Variants in SPMIP2 observed in about 807,000 individuals in gnomAD.
The protein encoded by SPMIP2 is sperm microtubule inner protein 2.
the SPMIP2 span, chr4:158,906,142 A>G: frequency 9.2e-5 from 14 of 151,886 alleles, no homozygotes; most frequent in Admixed American, 6.6e-4. Flanking sequence ...ATGTTTTCCT[A>G]TTTCCTTTTG....
the SPMIP2 span, among the ~76,000 whole-genome samples, chr4:159,061,644 C>A: frequency 1.3e-5 from 2 of 151,892 alleles, no homozygotes; most frequent in Non-Finnish European, 2.9e-5. Flanking sequence ...CCCATCTGTA[C>A]TAAAAATACA....
the SPMIP2 span, chr4:159,026,117 C>T: frequency 7.1e-6 from 2 of 280,212 alleles, no homozygotes. Flanking sequence ...CCCTCCTATG[C>T]CCACCATGAC....
chr4:159,068,700 A>T, the SPMIP2 span, among the ~76,000 whole-genome samples: 5 of 151,340 alleles, frequency 3.3e-5, no homozygotes, highest in Non-Finnish European at 2.9e-5. Flanking sequence ...ATAAAAAAAT[A>T]AAAAAAAGAA....
chr4:159,016,176 C>T, the SPMIP2 span, among the ~76,000 whole-genome samples: 5 of 152,164 alleles, frequency 3.3e-5, no homozygotes, highest in African/African-American at 1.2e-4. Context: ...TTAAATTTTC[C>T]TGTTCTCTGT....
the SPMIP2 span, among the ~76,000 whole-genome samples, chr4:159,036,583 C>A: frequency 3.9e-5 from 6 of 152,228 alleles, no homozygotes; most frequent in Admixed American, 3.3e-4. Flanking sequence ...CCTTGCCCCC[C>A]ACTTTCAGAG....
the SPMIP2 span, among the ~76,000 whole-genome samples, chr4:158,998,863 G>A: frequency 1.5e-4 from 23 of 152,164 alleles, no homozygotes; most frequent in Non-Finnish European, 2.9e-4. Context: ...ATAACAATAT[G>A]GCTTGTAAAA....
chr4:159,043,058 A>G, the SPMIP2 span, among the ~76,000 whole-genome samples: 1 of 152,108 alleles, frequency 6.6e-6, no homozygotes, highest in African/African-American at 2.4e-5. Flanking sequence ...GCTCCTCGTG[A>G]ATTCTTTCTA....
the SPMIP2 span, among the ~76,000 whole-genome samples, chr4:159,062,675 T>C: frequency 1.3e-5 from 1 of 75,104 alleles, no homozygotes; most frequent in East Asian, 6.4e-4. Context: ...TTCAGGCTGA[T>C]TGCATTTTTT....
chr4:158,966,294 C>G, the SPMIP2 span, among the ~76,000 whole-genome samples: 73 of 152,252 alleles, frequency 4.8e-4, no homozygotes, highest in Non-Finnish European at 8.4e-4. Flanking sequence ...AGCTGAGATA[C>G]CCTGGGAGTG....
At chr4:158,904,408 C>T in the SPMIP2 span, 25 of 1,391,988 alleles carry the variant, frequency 1.8e-5, 1 homozygote, top group South Asian at 2.8e-4. Flanking sequence ...AGAAATAATA[C>T]TTTCTCATAA....
chr4:158,900,533 A>T, the SPMIP2 span, among the ~76,000 whole-genome samples: 1 of 152,170 alleles, frequency 6.6e-6, no homozygotes, highest in South Asian at 2.1e-4. Flanking sequence ...TATTGGTTGC[A>T]TGTAGATTTA....
At chr4:159,055,075 G>C in the SPMIP2 span, among the ~76,000 whole-genome samples, 2 of 152,184 alleles carry the variant, frequency 1.3e-5, no homozygotes, top group African/African-American at 4.8e-5. Flanking sequence ...AGAAATATTG[G>C]AGGCTGGTGT....
chr4:158,991,520 T>A, the SPMIP2 span, among the ~76,000 whole-genome samples: 1 of 152,156 alleles, frequency 6.6e-6, no homozygotes, highest in Non-Finnish European at 1.5e-5. Flanking sequence ...GCTGAAAATG[T>A]GAGGGTTTTT....
At chr4:159,020,638 C>G in the SPMIP2 span, among the ~76,000 whole-genome samples, 1 of 152,212 alleles carries the variant, frequency 6.6e-6, no homozygotes. Context: ...TCTGCTTTAA[C>G]AGATGGTCCT....
the SPMIP2 span, among the ~76,000 whole-genome samples, chr4:159,052,496 G>A: frequency 3.9e-5 from 6 of 152,116 alleles, no homozygotes; most frequent in South Asian, 2.1e-4. Context: ...GGGTAAAGCC[G>A]ACTGAAACAG....
At chr4:158,975,686 A>G in the SPMIP2 span, among the ~76,000 whole-genome samples, 126 of 152,098 alleles carry the variant, frequency 8.3e-4, 2 homozygotes, top group Admixed American at 4.1e-3. Context: ...GTACCATACT[A>G]TTTTGGTTAT....
At chr4:158,964,027 T>C in the SPMIP2 span, among the ~76,000 whole-genome samples, 2 of 151,624 alleles carry the variant, frequency 1.3e-5, no homozygotes, top group African/African-American at 4.8e-5. Flanking sequence ...TGGTGGCGGG[T>C]GCCTGTAGTC....
chr4:159,057,933 C>A, the SPMIP2 span, among the ~76,000 whole-genome samples: 1 of 151,972 alleles, frequency 6.6e-6, no homozygotes, highest in African/African-American at 2.4e-5. Context: ...GGTGGGATCT[C>A]GGCTCACCGC....
the SPMIP2 span, among the ~76,000 whole-genome samples, chr4:159,009,109 G>C: frequency 6.6e-6 from 1 of 152,160 alleles, no homozygotes; most frequent in Non-Finnish European, 1.5e-5. Flanking sequence ...ATGCAAAGTT[G>C]GAAAGAGATG....
Sources: allele counts gnomAD v4.1 joint callset (sites outside exome capture counted in the v4.1 genomes callset), GRCh38; gene constraint gnomAD v4.1.1; transcripts MANE v1.5; gene names NCBI Gene and HGNC (gene_info 2026-07-23, HGNC 2026-07-21).